Variants in CAST observed in about 807,000 individuals in gnomAD.
CAST encodes MIR583 host.
In CAST, 76 loss-of-function variants were observed where a neutral mutation model predicts 119.6. That is an observed-to-expected ratio of 0.64 (90% CI 0.53 to 0.77). The LOEUF is 0.77. CAST is among the 30% of genes least tolerant of loss of function. The pLI, the probability that CAST is intolerant of heterozygous loss-of-function variation, is 0.00. For synonymous variants in CAST, 319 were observed against 331.6 expected (o/e 0.96, Z 0.41); for missense variants, 953 against 946.5 (o/e 1.01, Z -0.09).
At chr5:95,971,429 A>T in the CAST span, among the ~76,000 whole-genome samples, 1 of 152,238 alleles carries the variant, frequency 6.6e-6, no homozygotes, top group Non-Finnish European at 1.5e-5. Context: ...CAGAAAATTT[A>T]CTATAAAATA....
the CAST span, among the ~76,000 whole-genome samples, chr5:96,138,055 C>A: frequency 6.6e-6 from 1 of 151,930 alleles, no homozygotes; most frequent in Non-Finnish European, 1.5e-5. Context: ...AAATGAAGTT[C>A]ATCATTAAAC....
chr5:96,651,127 T>G (rs951925623), intron 1 of CAST, among the ~76,000 whole-genome samples: 1 of 152,118 alleles, frequency 6.6e-6, no homozygotes, highest in Non-Finnish European at 1.5e-5. Context: ...TTTAGGGAAA[T>G]GATGCTGCCG....
chr5:95,976,867 G>A, the CAST span, among the ~76,000 whole-genome samples: 1,091 of 152,080 alleles, frequency 7.2e-3, 89 homozygotes, highest in East Asian at 0.18. Context: ...GTTTTTTCTC[G>A]TTCTCTGTTT....
In CAST at chr5:96,710,220, ATATCT is replaced by A. The variant is rs770902214; in HGVS notation, c.211-12415_211-12411del. Among the ~76,000 whole-genome samples, 5 of 152,308 alleles carry A rather than the reference ATATCT, an allele frequency of 3.3e-5. No individual in the cohort carries two copies. In the South Asian group the frequency reaches 8.3e-4, roughly 25 times the overall value. On this transcript the variant is annotated intron_variant, in intron 3 of 31. Transcript: ENST00000675179. ...AGAGTCATTTTGCAAATTTATCCTA[ATATCT>A]TATGTGATCCTTTCTTTTAACCAAA... is the stretch of plus-strand genomic sequence containing the variant.
the CAST span, among the ~76,000 whole-genome samples, chr5:96,019,579 A>G: frequency 3.3e-5 from 5 of 152,172 alleles, no homozygotes; most frequent in South Asian, 1.0e-3. Context: ...TAATGAAATC[A>G]TTGAAGCAGC....
At chr5:96,056,654 AG>A in the CAST span, among the ~76,000 whole-genome samples, 1 of 152,188 alleles carries the variant, frequency 6.6e-6, no homozygotes, top group South Asian at 2.1e-4. Context: ...ATGGAATGAC[AG>A]TAGCAGCATT....
the CAST span, among the ~76,000 whole-genome samples, chr5:96,413,228 G>GT: frequency 5.3e-5 from 8 of 152,244 alleles, no homozygotes; most frequent in African/African-American, 1.9e-4. Flanking sequence ...ACCCCCAAGG[G>GT]GAATCATTTT....
At chr5:96,709,521 G>A (rs1394581525) in intron 3 of CAST, among the ~76,000 whole-genome samples, 5 of 152,148 alleles carry the variant, frequency 3.3e-5, no homozygotes, top group South Asian at 2.1e-4. Context: ...CTCATGTCTG[G>A]AACAAAATGG....
intron 1 of CAST, among the ~76,000 whole-genome samples, chr5:96,549,306 G>A (rs1561413131): frequency 1.3e-5 from 2 of 152,208 alleles, no homozygotes; most frequent in African/African-American, 4.8e-5. Flanking sequence ...ATAAATGGAG[G>A]AATAGTGATT....
chr5:96,001,732 A>G, the CAST span, among the ~76,000 whole-genome samples: 1 of 152,262 alleles, frequency 6.6e-6, no homozygotes, highest in Non-Finnish European at 1.5e-5. Context: ...CATGAATCTC[A>G]TATAAATTAA....
At chr5:96,661,290 G>C (rs935156303), upstream of CAST, among the ~76,000 whole-genome samples, 2 of 142,484 alleles carry the variant, frequency 1.4e-5, no homozygotes, top group African/African-American at 5.3e-5. Context: ...AGCTGGGTGT[G>C]ACAACGCGCC....
chr5:95,985,213 C>T, the CAST span, among the ~76,000 whole-genome samples: 9 of 152,192 alleles, frequency 5.9e-5, no homozygotes, highest in Admixed American at 3.9e-4. Context: ...ATTTAGGAGA[C>T]GGAGGCAGGA....
chr5:96,533,035 A>T (rs749674243), intron 1 of CAST, among the ~76,000 whole-genome samples: 1 of 128,712 alleles, frequency 7.8e-6, no homozygotes, highest in Non-Finnish European at 1.8e-5. Context: ...AAAAAAAAAA[A>T]AATAAAAATA....
chr5:96,271,661 A>AAG, the CAST span, among the ~76,000 whole-genome samples: 2 of 152,036 alleles, frequency 1.3e-5, no homozygotes, highest in African/African-American at 4.8e-5. Flanking sequence ...GGAAAAAAAA[A>AAG]AAAAAACATT....
At chr5:96,449,488 T>A in the CAST span, among the ~76,000 whole-genome samples, 4 of 152,094 alleles carry the variant, frequency 2.6e-5, no homozygotes, top group African/African-American at 7.2e-5. Flanking sequence ...CATGGAAAAA[T>A]TGTCTTCCAT....
At chr5:96,068,176 C>A in the CAST span, among the ~76,000 whole-genome samples, 1 of 152,154 alleles carries the variant, frequency 6.6e-6, no homozygotes, top group African/African-American at 2.4e-5. Flanking sequence ...TCATTTTAGT[C>A]AGGCAGAAGC....
the CAST span, among the ~76,000 whole-genome samples, chr5:96,513,375 G>C: frequency 6.6e-6 from 1 of 152,208 alleles, no homozygotes; most frequent in African/African-American, 2.4e-5. Context: ...TAAATAGACA[G>C]ATAGATGGGT....
the CAST span, among the ~76,000 whole-genome samples, chr5:96,159,447 TG>T: frequency 6.6e-6 from 1 of 152,336 alleles, no homozygotes; most frequent in Admixed American, 6.5e-5. Flanking sequence ...AACGCAAAGT[TG>T]TATAAAGCAA....
intron 3 of CAST, among the ~76,000 whole-genome samples, chr5:96,712,723 T>C (rs991998371): frequency 1.3e-5 from 2 of 152,246 alleles, no homozygotes; most frequent in Non-Finnish European, 1.5e-5. Flanking sequence ...GTGAATTTGT[T>C]CTTCTTAGGT....
Sources: allele counts gnomAD v4.1 joint callset (sites outside exome capture counted in the v4.1 genomes callset), GRCh38; gene constraint gnomAD v4.1.1; transcripts MANE v1.5; gene names NCBI Gene and HGNC (gene_info 2026-07-23, HGNC 2026-07-21).